Variants in INPP4A observed in about 807,000 individuals in gnomAD.
INPP4A encodes inositol polyphosphate-4-phosphatase type I A, also known as inositol polyphosphate-4-phosphatase, type I, 107kD.
Under a neutral mutation model 119.8 loss-of-function variants are expected in INPP4A, and 33 were observed. The observed-to-expected ratio is 0.28, with a 90% CI of 0.21 to 0.37. The LOEUF is 0.37. Among genes scored for constraint, INPP4A ranks in the 10% least tolerant of loss-of-function variants. The pLI is 1.00. For missense variants in INPP4A, 956 were observed against 1,289.9 expected (o/e 0.74, Z 3.97); for synonymous variants, 496 against 500.7 (o/e 0.99, Z 0.12).
intron 1 of INPP4A, among the ~76,000 whole-genome samples, chr2:98,486,361 C>T (rs1421120259): frequency 1.3e-5 from 2 of 152,230 alleles, no homozygotes; most frequent in Non-Finnish European, 2.9e-5. Flanking sequence ...TTGTCTAGGC[C>T]TGTGCTTCCC....
intron 1 of INPP4A, among the ~76,000 whole-genome samples, chr2:98,507,485 G>T (rs1412213562): frequency 6.6e-6 from 1 of 152,160 alleles, no homozygotes; most frequent in African/African-American, 2.4e-5. Context: ...GTGATGGATT[G>T]AAGGGGTGGT....
chr2:98,480,832 G>C (rs935427986), intron 1 of INPP4A, among the ~76,000 whole-genome samples: 1 of 152,200 alleles, frequency 6.6e-6, no homozygotes, highest in Non-Finnish European at 1.5e-5. Context: ...CCCAGGGCGC[G>C]TGTGTCCGTC....
At position 98,593,281 on chromosome 2, in the gene INPP4A, G is replaced by C. The variant is rs993525953; in HGVS notation, c.*5673G>C. The C allele has an allele frequency of 6.6e-6, 1 of 152,440 alleles. No homozygotes were observed. 9.4% of individuals were successfully genotyped at this position (152,440 alleles called of 1,614,324 possible). On this transcript the variant is annotated 3_prime_UTR_variant, in exon 25 of 25. Coordinates refer to ENST00000409851, the MANE Select transcript of INPP4A (RefSeq NM_001134225.2). The stretch of plus-strand genomic sequence containing the variant: ...ACTTGCATCTCCATGGCTCCAAAGA[G>C]GATGCCTGTGTTAGATGGATGTAGA...
intron 24 of INPP4A, among the ~76,000 whole-genome samples, chr2:98,579,609 T>C (rs1179866628): frequency 3.3e-5 from 5 of 152,230 alleles, no homozygotes; most frequent in African/African-American, 9.6e-5. Context: ...GGCGCTGTCT[T>C]TCCTGTCACT....
At chr2:98,496,817 A>T (rs1682063950) in intron 1 of INPP4A, among the ~76,000 whole-genome samples, 1 of 152,218 alleles carries the variant, frequency 6.6e-6, no homozygotes, top group South Asian at 2.1e-4. Flanking sequence ...ACAGCTGTAA[A>T]GTGAGGAAGA....
intron 1 of INPP4A, among the ~76,000 whole-genome samples, chr2:98,507,814 G>T (rs1174553792): frequency 2.6e-5 from 4 of 152,148 alleles, no homozygotes; most frequent in Non-Finnish European, 4.4e-5. Flanking sequence ...TCCTGCTGAG[G>T]TGTTTAGCTC....
intron 22 of INPP4A, among the ~76,000 whole-genome samples, chr2:98,572,364 C>T (rs899615016): frequency 1.3e-5 from 2 of 152,220 alleles, no homozygotes. Flanking sequence ...GGCCAAGGGC[C>T]CCCTGGAGGA....
chr2:98,451,029 C>T (rs139047349), intron 1 of INPP4A, among the ~76,000 whole-genome samples: 1 of 152,228 alleles, frequency 6.6e-6, no homozygotes. Flanking sequence ...CCTCTGCCCC[C>T]CAAAGTGCTG....
chr2:98,533,124 A>G (rs1250011567), intron 4 of INPP4A, among the ~76,000 whole-genome samples: 1 of 152,224 alleles, frequency 6.6e-6, no homozygotes, highest in South Asian at 2.1e-4. Context: ...CTCCATGGAC[A>G]TGGGAAGCCC....
chr2:98,482,580 C>T (rs1678694469), intron 1 of INPP4A, among the ~76,000 whole-genome samples: 1 of 152,246 alleles, frequency 6.6e-6, no homozygotes, highest in South Asian at 2.1e-4. Flanking sequence ...CTCCACTTGT[C>T]ACACCTGCCA....
chr2:98,557,290 C>A (rs1694662336), intron 16 of INPP4A, among the ~76,000 whole-genome samples: 1 of 152,202 alleles, frequency 6.6e-6, no homozygotes, highest in African/African-American at 2.4e-5. Flanking sequence ...GTGAAGCTTA[C>A]ATTTGAGAGA....
rs755833435 is a variant in INPP4A, at chr2:98,554,341, G to A, written c.1418G>A (p.Arg473Gln). The change falls in exon 15 of 25, where the codon CGG becomes CAG. Residue 473 changes from arginine to glutamine, a missense_variant. Physicochemically the swap from Arg to Gln is conservative, Grantham distance 43 (BLOSUM62 1). This residue lies in a region of INPP4A where 652 missense variants were observed against 797.9 expected (regional missense o/e 0.82). Coordinates refer to ENST00000409851, the MANE Select transcript of INPP4A (RefSeq NM_001134225.2). This position sits in a 1 kb window ranked among gnomAD's most constrained non-coding sequence, Gnocchi z 4.7. ...ANSIHGLNAARPDYIASKASP... is the reference protein window; with the variant it reads ...ANSIHGLNAAQPDYIASKASP... ...TCCATCCATGGGCTGAACGCTGCACGGCCTGACTACATTGCCTCCAAGGCC... is the reference window on the plus strand; with the variant it reads ...TCCATCCATGGGCTGAACGCTGCACAGCCTGACTACATTGCCTCCAAGGCC... 3.7e-6 allele frequency: 6 copies of A among 1,613,272 alleles called. No individual in the cohort carries two copies. The highest frequency in any genetic ancestry group is 3.4e-6 in the Non-Finnish European group (4 of 1,179,676).
intron 1 of INPP4A, among the ~76,000 whole-genome samples, chr2:98,509,730 A>G (rs1004647886): frequency 4.6e-5 from 7 of 152,212 alleles, no homozygotes; most frequent in Admixed American, 1.3e-4. Context: ...CTCATCTCCC[A>G]GATTGTGAGC....
Position 98,559,514 on chromosome 2 carries a change from A to G in INPP4A, c.1855+19A>G, listed in dbSNP as rs1191562655. 9 of 1,612,834 alleles carry G rather than the reference A, an allele frequency of 5.6e-6. No homozygotes were observed. The Admixed American group carries it at 8.3e-5, about 15-fold the overall frequency. ...AGCCCAGGTACGTGGTTTCCGTTCA[A>G]GGCTCCTGCTGATGCCCTTTTAATT... On this transcript the variant is annotated intron_variant, in intron 17 of 24. Transcript: ENST00000409851.
Position 98,579,747 on chromosome 2 carries a change from T to G in INPP4A, c.2786+2604T>G, listed in dbSNP as rs77063012. Among the ~76,000 whole-genome samples, 102 of 152,316 alleles carry G rather than the reference T, an allele frequency of 6.7e-4. 2 individuals are homozygous for G. In the East Asian group the frequency reaches 0.01, roughly 16 times the overall value. On this transcript the variant is annotated intron_variant, in intron 24 of 24. Transcript: ENST00000409851. ...CAGCATTCCCTCCACCCTGCCCTCT[T>G]CCTTTCTAAACCCCACCCCTGCCTC...
chr2:98,522,488 A>G (rs1049210027), intron 4 of INPP4A, among the ~76,000 whole-genome samples: 2 of 152,094 alleles, frequency 1.3e-5, no homozygotes, highest in Non-Finnish European at 2.9e-5. Context: ...TTCTTCCAGA[A>G]AGTAAGATTT....
chr2:98,483,063 C>T (rs919240066), intron 1 of INPP4A, among the ~76,000 whole-genome samples: 2 of 152,176 alleles, frequency 1.3e-5, no homozygotes, highest in Non-Finnish European at 2.9e-5. Flanking sequence ...AAGGGATACT[C>T]AACCTGTGCT....
chr2:98,555,952 A>C, intron 16 of INPP4A, 144 bp downstream of exon 16: 1 of 951,046 alleles, frequency 1.1e-6, no homozygotes. Flanking sequence ...GTCCCAGTGC[A>C]TGGAGCAGCA....
chr2:98,575,342 A>G (rs1448782675), intron 23 of INPP4A, among the ~76,000 whole-genome samples: 3 of 152,238 alleles, frequency 2.0e-5, no homozygotes, highest in African/African-American at 7.2e-5. Flanking sequence ...TGGATGCAGC[A>G]TCTATGAATT....
Sources: allele counts gnomAD v4.1 joint callset (sites outside exome capture counted in the v4.1 genomes callset), GRCh38; gene constraint gnomAD v4.1.1; regional missense constraint gnomAD v4.1.1; non-coding constraint Gnocchi (gnomAD v3.1); transcripts MANE v1.5; gene names NCBI Gene and HGNC (gene_info 2026-07-23, HGNC 2026-07-21).